The following FRAS1 variants were observed in gnomAD, a reference collection of about 807,000 sequenced individuals.
FRAS1 encodes the protein Fraser extracellular matrix complex subunit 1.
Under a neutral mutation model 435.2 loss-of-function variants are expected in FRAS1, and 290 were observed. That is an observed-to-expected ratio of 0.67 (90% CI 0.61 to 0.73). The LOEUF (loss-of-function observed/expected upper bound fraction) is 0.73, where lower values mean the gene tolerates loss of function less well. Ranked by LOEUF, FRAS1 falls within the 30% of genes least tolerant of loss-of-function variation. FRAS1 has a pLI of 0.00. For missense variants in FRAS1, 4,860 were observed against 5,001.5 expected (o/e 0.97, Z 0.85); for synonymous variants, 1,800 against 1,851.0 (o/e 0.97, Z 0.71).
intron 38 of FRAS1, among the ~76,000 whole-genome samples, chr4:78,437,894 A>G (rs532392379): frequency 6.6e-6 from 1 of 152,196 alleles, no homozygotes; most frequent in Non-Finnish European, 1.5e-5. Context: ...AGAGAAAGTC[A>G]TTTTTATTTC....
At chr4:78,324,820 A>G (rs1729655834) in intron 18 of FRAS1, among the ~76,000 whole-genome samples, 1 of 143,948 alleles carries the variant, frequency 6.9e-6, no homozygotes, top group African/African-American at 2.6e-5. Context: ...ACAATTTGGC[A>G]GTGGTGACTG....
intron 2 of FRAS1, among the ~76,000 whole-genome samples, chr4:78,192,934 A>C (rs926933205): frequency 4.6e-5 from 7 of 152,178 alleles, no homozygotes; most frequent in African/African-American, 1.4e-4. Flanking sequence ...CCCTCTACAC[A>C]CTGCTTTGAA....
At chr4:78,392,488 T>C (rs1732486302) in intron 29 of FRAS1, among the ~76,000 whole-genome samples, 1 of 151,952 alleles carries the variant, frequency 6.6e-6, no homozygotes, top group South Asian at 2.1e-4. Flanking sequence ...GTTTGTGAGA[T>C]TTTTTTTCTC....
At chr4:78,408,741 G>C (rs1578305193) in intron 31 of FRAS1, among the ~76,000 whole-genome samples, 1 of 152,168 alleles carries the variant, frequency 6.6e-6, no homozygotes, top group African/African-American at 2.4e-5. Context: ...CAGATAGGTA[G>C]CATTATATAA....
Position 78,473,583 on chromosome 4 carries a change from C to T in FRAS1, c.7668C>T (p.Ser2556=), listed in dbSNP as rs1218725143. Residue 2556 remains serine (S), a synonymous_variant, in exon 53 of 74, where the codon AGC becomes AGT. Coordinates refer to ENST00000512123, the MANE Select transcript of FRAS1 (RefSeq NM_025074.7). ...TCCATATCCAGTGGTCACTCATCAG[C>T]TTTAAATATACCAGGTACAAGTTTT... ...NVFHIQWSLI[S]FKYTSYNVSE... 1 of 1,596,888 alleles carries T rather than the reference C, an allele frequency of 6.3e-7. No individual in the cohort carries two copies. The highest frequency in any genetic ancestry group is 1.7e-5 in the Admixed American group (1 of 58,364).
At chr4:78,469,097 T>C (rs1334127170) in intron 50 of FRAS1, among the ~76,000 whole-genome samples, 1 of 152,174 alleles carries the variant, frequency 6.6e-6, no homozygotes, top group Non-Finnish European at 1.5e-5. Context: ...CCCCAGTTAG[T>C]TTGACTTTCA....
chr4:78,450,384 C>T (rs1266805450), intron 45 of FRAS1, 45 bp downstream of exon 45: 2 of 1,468,494 alleles, frequency 1.4e-6, no homozygotes, highest in South Asian at 2.3e-5. Context: ...TGGACTGCAC[C>T]TACACTAGTA....
intron 47 of FRAS1, among the ~76,000 whole-genome samples, chr4:78,459,101 C>A (rs1007877758): frequency 2.0e-5 from 3 of 152,122 alleles, no homozygotes; most frequent in African/African-American, 7.2e-5. Context: ...GATGCCTGGG[C>A]CCCACCTAGA....
intron 9 of FRAS1, among the ~76,000 whole-genome samples, chr4:78,274,571 T>C (rs148440052): frequency 0.012 from 1,872 of 152,362 alleles, 20 homozygotes; most frequent in South Asian, 0.04. Context: ...TTTTGTTATG[T>C]ACCCTGTAGT....
At chr4:78,520,891 C>T (rs1272536777) in intron 67 of FRAS1, among the ~76,000 whole-genome samples, 3 of 152,180 alleles carry the variant, frequency 2.0e-5, no homozygotes, top group Non-Finnish European at 4.4e-5. Flanking sequence ...GGCAGCTTTC[C>T]CACTCTGGGT....
In FRAS1 at chr4:78,448,366, T is replaced by C. The variant is rs1046896259; in HGVS notation, c.6274+50T>C. On this transcript the variant is annotated intron_variant, in intron 44 of 73. Transcript: ENST00000512123. ...GCCATGGTTTTTCTATCCTTATTTC[T>C]TCTTTGTCCAGTATGCAGTACTTTC... is the stretch of plus-strand genomic sequence containing the variant. 6 of 1,503,150 alleles carry C rather than the reference T, an allele frequency of 4.0e-6. No individual in the cohort carries two copies. The African/African-American group carries it at 8.3e-5, about 21-fold the overall frequency. The allele number at this position is 1,503,150 out of a possible 1,614,324, so 93.1% of individuals were successfully genotyped here. A position where few individuals can be genotyped will look rare whatever the true frequency, so the allele number is the denominator to read the frequency against.
Position 78,430,240 on chromosome 4 carries a change from C to T in FRAS1, c.4844-52C>T, listed in dbSNP as rs1420582676. ...CCTGCGGTTTTAATATATAGTCTAT[C>T]GTCTTTAACATACGCTTTCTCTCTC... is the stretch of plus-strand genomic sequence containing the variant. On this transcript the variant is annotated intron_variant, in intron 36 of 73. Coordinates refer to ENST00000512123, the MANE Select transcript of FRAS1 (RefSeq NM_025074.7). The T allele has an allele frequency of 4.3e-6, 7 of 1,610,128 alleles. No individual in the cohort carries two copies. The East Asian group carries it at 1.1e-4, about 26-fold the overall frequency.
intron 61 of FRAS1, among the ~76,000 whole-genome samples, chr4:78,502,723 T>C (rs1720721307): frequency 6.6e-6 from 1 of 152,242 alleles, no homozygotes; most frequent in African/African-American, 2.4e-5. Context: ...TCTTGCCTGA[T>C]TGCCCTGGCC....
chr4:78,063,988 C>T (rs1264108562), intron 1 of FRAS1, among the ~76,000 whole-genome samples: 3 of 151,726 alleles, frequency 2.0e-5, no homozygotes, highest in Non-Finnish European at 4.4e-5. Context: ...GAATTGTGTT[C>T]ATATGTATTT....
In FRAS1 at chr4:78,278,750, T is replaced by A. The variant is rs1303050753; in HGVS notation, c.1071+6T>A. On this transcript the variant is annotated splice_donor_region_variant and intron_variant, in intron 10 of 73. Coordinates refer to ENST00000512123, the MANE Select transcript of FRAS1 (RefSeq NM_025074.7). ...ATGAAGAAACTGGAGAATTTGTGAG[T>A]ATCAGGCTTATAACCGAAGATGATT... 3.4e-6 allele frequency: 5 copies of A among 1,490,072 alleles called. No homozygotes were observed. Among genetic ancestry groups the A allele is most frequent in the Non-Finnish European group, 4.7e-6 (5 of 1,069,486 alleles). 92.3% of individuals were successfully genotyped at this position (1,490,072 alleles called of 1,614,324 possible).
intron 2 of FRAS1, among the ~76,000 whole-genome samples, chr4:78,089,823 A>G (rs1262665250): frequency 6.6e-6 from 1 of 152,116 alleles, no homozygotes; most frequent in Non-Finnish European, 1.5e-5. Flanking sequence ...AAATCGTGTC[A>G]TGGGAGTTTG....
intron 1 of FRAS1, 138 bp downstream of exon 1, chr4:78,058,223 G>A (rs1279341371): frequency 1.5e-6 from 1 of 680,832 alleles, no homozygotes; most frequent in South Asian, 2.3e-5. Context: ...GGAAGGGTGA[G>A]GTGGAAGTGA....
chr4:78,114,295 T>A (rs1043042001), intron 2 of FRAS1, among the ~76,000 whole-genome samples: 1 of 152,218 alleles, frequency 6.6e-6, no homozygotes, highest in African/African-American at 2.4e-5. Flanking sequence ...TGGCTTAGGA[T>A]TGACTTGGCA....
chr4:78,479,454 T>A lies in FRAS1; in HGVS notation c.8179T>A (p.Ser2727Thr). ...GGGAAGTAGCCTCTATGCTCTAGAA[T>A]CAGGCTCTGATTTTAAATCTAGAGG... ...AMGSSLYALE[S>T]GSDFKSRGMS... The change falls in exon 56 of 74, where the codon TCA becomes ACA. Residue 2727 changes from serine (S) to threonine (T), a missense_variant. Physicochemically the swap from Ser to Thr is moderately conservative, Grantham distance 58. Transcript: ENST00000512123. The A allele has an allele frequency of 1.2e-6, 2 of 1,604,694 alleles. No individual in the cohort carries two copies. The highest frequency in any genetic ancestry group is 1.7e-6 in the Non-Finnish European group (2 of 1,173,924).
Sources: allele counts gnomAD v4.1 joint callset (sites outside exome capture counted in the v4.1 genomes callset), GRCh38; gene constraint gnomAD v4.1.1; transcripts MANE v1.5; gene names NCBI Gene and HGNC (gene_info 2026-07-23, HGNC 2026-07-21).